TMEM267: variants seen among roughly 807,000 people sequenced by gnomAD.
TMEM267 encodes the protein transmembrane protein 267, also known as transmembrane protein C5orf28.
Under a neutral mutation model 19.3 loss-of-function variants are expected in TMEM267, and 20 were observed. The observed-to-expected ratio is 1.04, with a 90% confidence interval of 0.73 to 1.51. The LOEUF is 1.51. Among genes scored for constraint, TMEM267 ranks in the 40% most tolerant of loss-of-function variants. The pLI is 0.00. For missense variants in TMEM267, 242 were observed against 261.9 expected, an observed-to-expected ratio of 0.92 and a Z score of 0.52; for synonymous variants, 88 against 90.3, an observed-to-expected ratio of 0.97 and a Z score of 0.15.
intron 1 of TMEM267, among the ~76,000 whole-genome samples, chr5:43,479,083 T>G (rs894231864): frequency 8.5e-5 from 13 of 152,110 alleles, no homozygotes; most frequent in African/African-American, 3.1e-4. Context: ...CAAGAAAAAT[T>G]TTAAAATAAT....
rs189037249 is a variant in TMEM267 at position 43,481,572 on chromosome 5, A to G, written c.-75+2250T>C. Reference sequence around the variant, plus strand: ...TTTACTGTTTACAAAAAACTGTATCACGGTTTACGAATAGGAACACATATA... The same window carrying G: ...TTTACTGTTTACAAAAAACTGTATCGCGGTTTACGAATAGGAACACATATA... On this transcript the variant is annotated intron_variant, in intron 1 of 2. Transcript: ENST00000397080. 8.6e-4 allele frequency among the ~76,000 whole-genome samples: 131 copies of G among 152,292 alleles called. 2 individuals are homozygous for G. The South Asian group carries it at 9.9e-3, about 12-fold the overall frequency.
intron 1 of TMEM267, among the ~76,000 whole-genome samples, chr5:43,468,533 A>G (rs1173862055): frequency 6.6e-6 from 1 of 152,222 alleles, no homozygotes; most frequent in Non-Finnish European, 1.5e-5. Flanking sequence ...TGGGCATTAC[A>G]GATTGATGTC....
In TMEM267 at chr5:43,446,520, C is replaced by T. The variant is rs1433586514; in HGVS notation, c.350G>A (p.Cys117Tyr). The T allele has an allele frequency of 6.2e-7, 1 of 1,613,720 alleles. No homozygotes were observed. Among genetic ancestry groups the T allele is most frequent in the Non-Finnish European group, 8.5e-7 (1 of 1,179,734 alleles). ...AACCACAACGGGAATCACAGTAGAA[C>T]AGTGAAGGAAAGGTCTTCGCGGGAG... ...LTLPRRPFLH[C>Y]STVIPVVVLT... The change falls in exon 3 of 3, where the codon TGT becomes TAT. Residue 117 changes from cysteine (C) to tyrosine (Y), a missense_variant. By Grantham distance (194) the Cys-to-Tyr change is radical. Transcript: ENST00000397080.
chr5:43,473,163 A>T (rs540668761), intron 1 of TMEM267, among the ~76,000 whole-genome samples: 1 of 149,528 alleles, frequency 6.7e-6, no homozygotes, highest in African/African-American at 2.5e-5. Flanking sequence ...AAAAAAAAAT[A>T]GAAAGAATGA....
At chr5:43,460,884 G>T (rs560800433) in intron 1 of TMEM267, among the ~76,000 whole-genome samples, 2 of 152,320 alleles carry the variant, frequency 1.3e-5, no homozygotes, top group East Asian at 3.9e-4. Flanking sequence ...AACTTGAAAG[G>T]CAGTGTAGGC....
At chr5:43,479,933 TAC>T (rs1203635986) in intron 1 of TMEM267, 2 of 422,594 alleles carry the variant, frequency 4.7e-6, no homozygotes, top group African/African-American at 2.1e-5. Flanking sequence ...CCTCAGGATT[TAC>T]AGTGTCACAA....
At chr5:43,479,424 T>C (rs1470380772) in intron 1 of TMEM267, among the ~76,000 whole-genome samples, 1 of 151,956 alleles carries the variant, frequency 6.6e-6, no homozygotes, top group African/African-American at 2.4e-5. Context: ...TTTGAAAAGT[T>C]AAAGCCAGGA....
intron 1 of TMEM267, among the ~76,000 whole-genome samples, chr5:43,466,266 A>G (rs2112133448): frequency 6.6e-6 from 1 of 152,322 alleles, no homozygotes; most frequent in East Asian, 1.9e-4. Context: ...AAATAAACAA[A>G]TAACATACTA....
intron 1 of TMEM267, among the ~76,000 whole-genome samples, chr5:43,460,349 A>T (rs372064849): frequency 9.2e-5 from 14 of 152,180 alleles, no homozygotes; most frequent in African/African-American, 3.4e-4. Flanking sequence ...TGTTCACGGA[A>T]CCCCCATAAA....
chr5:43,472,101 A>T (rs563330340), intron 1 of TMEM267, among the ~76,000 whole-genome samples: 1 of 152,358 alleles, frequency 6.6e-6, no homozygotes, highest in South Asian at 2.1e-4. Flanking sequence ...AGGAAAAAAA[A>T]TACAATAATC....
rs1451694384 is a variant in TMEM267 at position 43,444,343 on chromosome 5, T to A, written c.*1879A>T. 1 of 152,210 alleles carries A rather than the reference T, an allele frequency of 6.6e-6. No homozygotes were observed. The highest frequency in any genetic ancestry group is 2.4e-5 in the African/African-American group (1 of 41,436). The allele number at this position is 152,210 out of a possible 1,614,324, so 9.4% of individuals were successfully genotyped here. A position where few individuals can be genotyped will look rare whatever the true frequency, so the allele number is the denominator to read the frequency against. On this transcript the variant is annotated 3_prime_UTR_variant, in exon 3 of 3. Coordinates refer to ENST00000397080, the MANE Select transcript of TMEM267 (RefSeq NM_022483.5). Reference sequence around the variant, plus strand: ...CAGGCTGCAGTGCAGTGGCCCCATCTCAGCTCACTACAACCTCTGCCTCCC... The same window carrying A: ...CAGGCTGCAGTGCAGTGGCCCCATCACAGCTCACTACAACCTCTGCCTCCC...
rs1186407850 is a variant in TMEM267, at chr5:43,446,107, TATA to T, written c.*112_*114del. The T allele has an allele frequency of 1.3e-5, 8 of 633,686 alleles. No homozygotes were observed. The highest frequency in any genetic ancestry group is 2.4e-5 in the South Asian group (1 of 42,182). 39.3% of individuals were successfully genotyped at this position (633,686 alleles called of 1,614,324 possible). A position where few individuals can be genotyped will look rare whatever the true frequency, so the allele number is the denominator to read the frequency against. ...TTCCTGAGCAAGAGGATTGCAGAAT[TATA>T]ATAACTAAATAATATAAACACCTAA... On this transcript the variant is annotated 3_prime_UTR_variant, in exon 3 of 3. Transcript: ENST00000397080.
At chr5:43,450,296 A>AT (rs747708893) in intron 2 of TMEM267, among the ~76,000 whole-genome samples, 2 of 152,158 alleles carry the variant, frequency 1.3e-5, no homozygotes, top group Non-Finnish European at 2.9e-5. Context: ...CTGGCCTTTG[A>AT]TTTTTTTATT....
intron 1 of TMEM267, among the ~76,000 whole-genome samples, chr5:43,460,549 T>TAA: frequency 6.9e-6 from 1 of 145,796 alleles, no homozygotes; most frequent in African/African-American, 2.5e-5. Context: ...CAGAAGGGAT[T>TAA]AAAAAAAAAA....
At position 43,455,390 on chromosome 5, in the gene TMEM267, G is replaced by A. The variant is rs376082458; in HGVS notation, c.-74-1347C>T. Among the ~76,000 whole-genome samples the A allele has an allele frequency of 7.6e-4, 115 of 151,592 alleles. 1 individual carries two copies. Among genetic ancestry groups the A allele is most frequent in the African/African-American group, 2.6e-3 (109 of 41,320 alleles). On this transcript the variant is annotated intron_variant, in intron 1 of 2. Transcript: ENST00000397080. ...GTGGGCTGTAATCGTGCTACTGCAT[G>A]CCAGCCTGGGCAACACAGAGACCCT... is the stretch of plus-strand genomic sequence containing the variant.
intron 1 of TMEM267, among the ~76,000 whole-genome samples, chr5:43,463,990 A>T (rs929659817): frequency 6.6e-6 from 1 of 152,212 alleles, no homozygotes; most frequent in African/African-American, 2.4e-5. Flanking sequence ...AAGGGTATTC[A>T]ATTAGGAAAA....
intron 1 of TMEM267, among the ~76,000 whole-genome samples, chr5:43,481,947 A>G (rs1219872198): frequency 6.6e-6 from 1 of 152,142 alleles, no homozygotes; most frequent in East Asian, 1.9e-4. Context: ...GGTTCACGCC[A>G]TTCTCCTGCC....
intron 1 of TMEM267, among the ~76,000 whole-genome samples, chr5:43,467,568 A>G (rs1403308044): frequency 6.6e-6 from 1 of 152,228 alleles, no homozygotes; most frequent in Non-Finnish European, 1.5e-5. Context: ...ACACTGCAGC[A>G]CCCAGATATA....
At chr5:43,472,867 C>T (rs1040880079) in intron 1 of TMEM267, among the ~76,000 whole-genome samples, 13 of 151,074 alleles carry the variant, frequency 8.6e-5, no homozygotes, top group African/African-American at 2.2e-4. Flanking sequence ...AGGCCGGGCA[C>T]GGTGGCTCAC....
Sources: allele counts gnomAD v4.1 joint callset (sites outside exome capture counted in the v4.1 genomes callset), GRCh38; gene constraint gnomAD v4.1.1; transcripts MANE v1.5; gene names NCBI Gene and HGNC (gene_info 2026-07-23, HGNC 2026-07-21).